Variants in PRKCA observed in about 807,000 individuals in gnomAD.
PRKCA encodes the protein protein kinase C alpha.
PRKCA carries 27 observed loss-of-function variants against 87.0 expected under a neutral mutation model. The ratio of observed to expected loss-of-function variants is 0.31; its 90% CI spans 0.23 to 0.43. The LOEUF (loss-of-function observed/expected upper bound fraction) is 0.43, where lower values mean the gene tolerates loss of function less well. Ranked by LOEUF, PRKCA falls within the 20% of genes least tolerant of loss-of-function variation. PRKCA has a pLI of 1.00. For synonymous variants in PRKCA, 329 were observed against 311.1 expected (o/e 1.06, Z -0.61); for missense variants, 518 against 852.3 (o/e 0.61, Z 4.88).
chr17:66,380,590 T>G (rs1297861656), intron 2 of PRKCA, among the ~76,000 whole-genome samples: 4 of 152,314 alleles, frequency 2.6e-5, no homozygotes, highest in East Asian at 3.9e-4. Context: ...ACTGCTATAT[T>G]TTTGAATTAT....
chr17:66,607,753 T>C (rs1297625450), intron 3 of PRKCA, among the ~76,000 whole-genome samples: 1 of 151,964 alleles, frequency 6.6e-6, no homozygotes, highest in Non-Finnish European at 1.5e-5. Context: ...GCTCATGAAG[T>C]CAGATTCCAA....
chr17:66,370,143 G>A (rs925675171), intron 2 of PRKCA, among the ~76,000 whole-genome samples: 1 of 151,832 alleles, frequency 6.6e-6, no homozygotes, highest in Admixed American at 6.6e-5. Flanking sequence ...TGACGGTAAG[G>A]ACAGTCCTTC....
chr17:66,640,073 G>A (rs1410055336), intron 3 of PRKCA, among the ~76,000 whole-genome samples: 1 of 152,108 alleles, frequency 6.6e-6, no homozygotes, highest in East Asian at 1.9e-4. Flanking sequence ...CACTACCTGC[G>A]TGGTACCTAC....
At chr17:66,502,894 C>T (rs112510852) in intron 3 of PRKCA, among the ~76,000 whole-genome samples, 6,494 of 151,670 alleles carry the variant, frequency 0.043, 430 homozygotes, top group African/African-American at 0.15. Flanking sequence ...CTCTGGACCT[C>T]GTGATCCGCC....
At chr17:66,437,733 A>AGG (rs1567828446) in intron 2 of PRKCA, among the ~76,000 whole-genome samples, 5 of 3,768 alleles carry the variant, frequency 1.3e-3, no homozygotes, top group Non-Finnish European at 2.3e-3. Context: ...TTTTTTTTTG[A>AGG]GCGGGGGGTG....
intron 13 of PRKCA, among the ~76,000 whole-genome samples, chr17:66,765,957 T>C (rs1374856868): frequency 6.6e-6 from 1 of 152,196 alleles, no homozygotes; most frequent in Non-Finnish European, 1.5e-5. Context: ...TCCCGTGTTA[T>C]CTGGTACACA....
intron 2 of PRKCA, among the ~76,000 whole-genome samples, chr17:66,320,986 G>A (rs1288494647): frequency 6.6e-6 from 1 of 152,148 alleles, no homozygotes; most frequent in African/African-American, 2.4e-5. Flanking sequence ...AGTGGTACAA[G>A]CCAAATACAG....
At chr17:66,360,372 C>T (rs1908317817) in intron 2 of PRKCA, among the ~76,000 whole-genome samples, 1 of 152,164 alleles carries the variant, frequency 6.6e-6, no homozygotes, top group African/African-American at 2.4e-5. Context: ...CATCAGTCCT[C>T]CATGAGTCTT....
intron 2 of PRKCA, among the ~76,000 whole-genome samples, chr17:66,407,309 T>G (rs771032280): frequency 1.1e-4 from 16 of 152,144 alleles, no homozygotes; most frequent in Non-Finnish European, 1.9e-4. Context: ...CACCATCACC[T>G]TGGGCTGTTA....
intron 2 of PRKCA, among the ~76,000 whole-genome samples, chr17:66,426,196 G>A (rs1912795393): frequency 6.6e-6 from 1 of 152,116 alleles, no homozygotes; most frequent in Non-Finnish European, 1.5e-5. Context: ...CAGGATATTC[G>A]GGGAACGATG....
At chr17:66,398,202 C>T (rs951044666) in intron 2 of PRKCA, 31 of 152,150 alleles carry the variant, frequency 2.0e-4, no homozygotes, top group African/African-American at 7.5e-4. Flanking sequence ...GAAGTCCAAG[C>T]TCAATATCTC....
chr17:66,576,170 T>C (rs1226614573), intron 3 of PRKCA, among the ~76,000 whole-genome samples: 1 of 152,098 alleles, frequency 6.6e-6, no homozygotes, highest in African/African-American at 2.4e-5. Flanking sequence ...GCAAAATAAA[T>C]TTCAGATGGA....
intron 8 of PRKCA, among the ~76,000 whole-genome samples, chr17:66,719,433 T>A (rs146031097): frequency 6.6e-6 from 1 of 152,322 alleles, no homozygotes; most frequent in East Asian, 1.9e-4. Flanking sequence ...GGTAATAAAA[T>A]TATAAGATTT....
intron 5 of PRKCA, among the ~76,000 whole-genome samples, chr17:66,676,220 T>G (rs1211431880): frequency 6.6e-6 from 1 of 152,136 alleles, no homozygotes; most frequent in Non-Finnish European, 1.5e-5. Flanking sequence ...TTCTTCCCAG[T>G]AACGTGACCG....
intron 3 of PRKCA, among the ~76,000 whole-genome samples, chr17:66,623,783 C>T (rs143947753): frequency 8.8e-4 from 133 of 151,996 alleles, no homozygotes; most frequent in Non-Finnish European, 1.5e-3. Context: ...CAAGGAAAAC[C>T]TGGAGGAGTA....
chr17:66,331,940 G>A (rs1023026620), intron 2 of PRKCA, among the ~76,000 whole-genome samples: 29 of 152,178 alleles, frequency 1.9e-4, no homozygotes, highest in African/African-American at 6.0e-4. Flanking sequence ...TATAAACTAC[G>A]CATTGTCTCT....
At chr17:66,317,064 C>T (rs575242805) in intron 2 of PRKCA, among the ~76,000 whole-genome samples, 1 of 151,940 alleles carries the variant, frequency 6.6e-6, no homozygotes, top group Non-Finnish European at 1.5e-5. Flanking sequence ...ATGGCGTGAA[C>T]CCGGAAAGCG....
intron 16 of PRKCA, among the ~76,000 whole-genome samples, chr17:66,791,756 T>C (rs949503417): frequency 5.3e-5 from 8 of 152,192 alleles, no homozygotes; most frequent in Non-Finnish European, 1.2e-4. Flanking sequence ...AGAGGACATT[T>C]AGAACAGCAA....
chr17:66,472,511 GA>G (rs906516339), intron 2 of PRKCA, among the ~76,000 whole-genome samples: 6 of 152,326 alleles, frequency 3.9e-5, no homozygotes, highest in African/African-American at 1.2e-4. Context: ...CAAGGGAACA[GA>G]AATCCATCAT....
Sources: allele counts gnomAD v4.1 joint callset (sites outside exome capture counted in the v4.1 genomes callset), GRCh38; gene constraint gnomAD v4.1.1; transcripts MANE v1.5; gene names NCBI Gene and HGNC (gene_info 2026-07-23, HGNC 2026-07-21).